The following RBM6 variants were observed in gnomAD, a reference collection of about 807,000 sequenced individuals.
RBM6 encodes the protein RNA-binding protein 6.
Under a neutral mutation model 140.4 loss-of-function variants are expected in RBM6, and 23 were observed. The ratio of observed to expected loss-of-function variants is 0.16; its 90% confidence interval spans 0.12 to 0.23. The LOEUF is 0.23. Ranked by LOEUF, RBM6 falls within the 10% of genes least tolerant of loss-of-function variation. The pLI, the probability that RBM6 is intolerant of heterozygous loss-of-function variation, is 1.00. For synonymous variants in RBM6, 439 were observed against 475.6 expected (o/e 0.92, Z 1.00); for missense variants, 1,139 against 1,386.7 (o/e 0.82, Z 2.84).
intron 6 of RBM6, among the ~76,000 whole-genome samples, chr3:50,015,230 C>T (rs1049125098): frequency 1.3e-5 from 2 of 151,178 alleles, no homozygotes; most frequent in Non-Finnish European, 1.5e-5. Flanking sequence ...GCTTCAGCCT[C>T]CCAAGTAGCT....
At chr3:50,053,658 CT>C (rs1360596960) in intron 7 of RBM6, among the ~76,000 whole-genome samples, 1 of 152,204 alleles carries the variant, frequency 6.6e-6, no homozygotes, top group Non-Finnish European at 1.5e-5. Context: ...ATAGTTCTTA[CT>C]CTTTTATTTC....
At chr3:50,001,093 C>T (rs1451409997) in intron 6 of RBM6, among the ~76,000 whole-genome samples, 6 of 152,218 alleles carry the variant, frequency 3.9e-5, no homozygotes, top group African/African-American at 1.4e-4. Flanking sequence ...TCTGTATCCA[C>T]AGGTTCCACA....
At chr3:50,033,417 TAA>T (rs2088301849) in intron 6 of RBM6, among the ~76,000 whole-genome samples, 2 of 152,248 alleles carry the variant, frequency 1.3e-5, no homozygotes, top group East Asian at 3.9e-4. Flanking sequence ...ACAAAACTAC[TAA>T]ATTTATAATT....
chr3:50,061,382 A>G lies in RBM6; in HGVS notation c.2354-80A>G. ...GCACCTATTTGTGTTGGTCACCCTA[A>G]TTCTTGGGTTCTTGATGAGTCTCCA... On this transcript the variant is annotated intron_variant, in intron 13 of 20. Coordinates refer to ENST00000266022, the MANE Select transcript of RBM6 (RefSeq NM_005777.3). 2.5e-6 allele frequency: 4 copies of G among 1,578,974 alleles called. No individual in the cohort carries two copies. In the South Asian group the frequency reaches 4.7e-5, roughly 18 times the overall value.
At chr3:50,025,608 A>T (rs1297860640) in intron 6 of RBM6, among the ~76,000 whole-genome samples, 2 of 57,268 alleles carry the variant, frequency 3.5e-5, no homozygotes, top group Admixed American at 2.4e-4. Context: ...TTTTTTTTTA[A>T]GAGACAGGGT....
At chr3:49,989,047 A>C (rs2085694369) in intron 5 of RBM6, among the ~76,000 whole-genome samples, 1 of 150,522 alleles carries the variant, frequency 6.6e-6, no homozygotes, top group East Asian at 1.9e-4. Flanking sequence ...AGATAATGTC[A>C]TTTTTTTTTT....
At chr3:50,015,565 G>T (rs576332002) in intron 6 of RBM6, among the ~76,000 whole-genome samples, 2 of 151,466 alleles carry the variant, frequency 1.3e-5, no homozygotes, top group African/African-American at 4.8e-5. Flanking sequence ...TGAGTAGCTG[G>T]GACTACAGGC....
At chr3:49,974,488 C>T (rs1297396630) in intron 4 of RBM6, among the ~76,000 whole-genome samples, 1 of 150,964 alleles carries the variant, frequency 6.6e-6, no homozygotes, top group East Asian at 2.0e-4. Flanking sequence ...TCTTCTGCCT[C>T]AGCCTCCCAA....
At chr3:50,037,037 G>A (rs1364003848) in intron 6 of RBM6, among the ~76,000 whole-genome samples, 1 of 151,874 alleles carries the variant, frequency 6.6e-6, no homozygotes, top group African/African-American at 2.4e-5. Flanking sequence ...ATCCACCTTG[G>A]CCTCCCAAAA....
At chr3:50,003,498 G>A (rs988353239) in intron 6 of RBM6, among the ~76,000 whole-genome samples, 3 of 152,034 alleles carry the variant, frequency 2.0e-5, no homozygotes, top group African/African-American at 4.8e-5. Context: ...TTGCTATTCC[G>A]ACTCTTGATG....
In RBM6 at chr3:49,967,614, T is replaced by C. The variant is rs2084564773; in HGVS notation, c.189T>C (p.Pro63=). The change falls in exon 3 of 21, where the codon CCT becomes CCC. Residue 63 remains proline (P), a synonymous_variant. Transcript: ENST00000266022. This position sits in a 1 kb window ranked among gnomAD's most constrained non-coding sequence, Gnocchi z 4.0. ...TTGATTTCCAGGGGCATTCGGGGCCTCCTTTTGCAAATGTAGAGGAGCATT... is the reference window on the plus strand; with the variant it reads ...TTGATTTCCAGGGGCATTCGGGGCCCCCTTTTGCAAATGTAGAGGAGCATT... The part of the protein sequence containing the change: ...LPFDFQGHSG[P]PFANVEEHSF... The C allele has an allele frequency of 6.2e-7, 1 of 1,614,134 alleles. No individual in the cohort carries two copies. The highest frequency in any genetic ancestry group is 1.6e-4 in the Middle Eastern group (1 of 6,062).
chr3:50,012,831 G>A (rs1341230979), intron 6 of RBM6, among the ~76,000 whole-genome samples: 16 of 127,928 alleles, frequency 1.3e-4, no homozygotes, highest in Non-Finnish European at 1.9e-4. Context: ...CAACCTCCCC[G>A]TCCCGGGTTC....
intron 19 of RBM6, among the ~76,000 whole-genome samples, chr3:50,072,055 G>A (rs2090316723): frequency 7.2e-6 from 1 of 138,244 alleles, no homozygotes. Context: ...CTGCACTCTA[G>A]CCTGGGTGAC....
chr3:49,985,598 GTTTATT>G (rs1016588300), intron 5 of RBM6, among the ~76,000 whole-genome samples: 30 of 152,080 alleles, frequency 2.0e-4, no homozygotes, highest in Non-Finnish European at 3.1e-4. Flanking sequence ...TTAAGAATGA[GTTTATT>G]TTTATTTTTA....
intron 5 of RBM6, among the ~76,000 whole-genome samples, chr3:49,994,695 T>TGTGTGTGTGTGTGTGTGTGTG: frequency 1.3e-5 from 2 of 151,712 alleles, no homozygotes; most frequent in Admixed American, 6.6e-5. Flanking sequence ...TGTGTGTGTG[T>TGTGTGTGTGTGTGTGTGTGTG]TTTCCTCTCA....
chr3:49,997,750 T>G (rs1227289951), intron 5 of RBM6, among the ~76,000 whole-genome samples: 1 of 152,228 alleles, frequency 6.6e-6, no homozygotes, highest in Non-Finnish European at 1.5e-5. Context: ...CCCAAGAATA[T>G]TCAGAGCTGT....
intron 1 of RBM6, among the ~76,000 whole-genome samples, chr3:49,950,571 A>T (rs2083688238): frequency 6.6e-6 from 1 of 152,108 alleles, no homozygotes; most frequent in South Asian, 2.1e-4. Context: ...CCTGGCCAAC[A>T]TGGTGAAACC....
chr3:49,994,669 GGTGTGTGT>G (rs59949998), intron 5 of RBM6, among the ~76,000 whole-genome samples: 1 of 148,164 alleles, frequency 6.7e-6, no homozygotes, highest in Non-Finnish European at 1.5e-5. Context: ...AAGGCTGTGG[GGTGTGTGT>G]GTGTGTGTGT....
intron 20 of RBM6, 27 bp downstream of exon 20, chr3:50,075,357 G>T (rs778161071): frequency 6.2e-7 from 1 of 1,602,804 alleles, no homozygotes; most frequent in East Asian, 2.2e-5. Flanking sequence ...CTTTTGGGGG[G>T]TGACATGAAC....
Sources: gnomAD v4.1 joint callset for allele counts (sites outside exome capture counted in the v4.1 genomes callset) on GRCh38, gnomAD v4.1.1 for gene constraint, Gnocchi (gnomAD v3.1) non-coding constraint, MANE v1.5 for transcripts, NCBI Gene and HGNC (gene_info 2026-07-23, HGNC 2026-07-21) for gene names.